Variants in TMEM108 observed in about 807,000 individuals in gnomAD.
TMEM108 encodes the protein transmembrane protein 108, also known as cancer/testis antigen 124.
A neutral mutation model predicts 35.1 loss-of-function variants in TMEM108; 12 were observed. The observed-to-expected ratio is 0.34, with a 90% CI of 0.22 to 0.55. TMEM108 has a LOEUF of 0.55. Among genes scored for constraint, TMEM108 ranks in the 20% least tolerant of loss-of-function variants. The pLI is 0.89. For synonymous variants in TMEM108, 287 were observed against 308.6 expected (o/e 0.93, Z 0.73); for missense variants, 680 against 753.3 (o/e 0.90, Z 1.14).
intron 3 of TMEM108, among the ~76,000 whole-genome samples, chr3:133,338,634 G>T (rs1323488929): frequency 6.6e-6 from 1 of 151,932 alleles, no homozygotes; most frequent in African/African-American, 2.4e-5. Context: ...ACTAGTATTA[G>T]TAAGTACACA....
At chr3:133,180,116 T>G (rs1004493782) in intron 2 of TMEM108, among the ~76,000 whole-genome samples, 15 of 152,198 alleles carry the variant, frequency 9.9e-5, no homozygotes, top group African/African-American at 3.6e-4. Flanking sequence ...TAAATATCAA[T>G]TTTTAAATAA....
intron 3 of TMEM108, among the ~76,000 whole-genome samples, chr3:133,275,574 A>G (rs549482453): frequency 4.2e-4 from 64 of 152,270 alleles, no homozygotes; most frequent in Non-Finnish European, 7.6e-4. Context: ...TTTTTTGTGT[A>G]TGTCCCAATC....
At chr3:133,038,487 C>G (rs1943232814) in intron 1 of TMEM108, 52 bp downstream of exon 1, 1 of 152,356 alleles carries the variant, frequency 6.6e-6, no homozygotes, top group African/African-American at 2.4e-5. Flanking sequence ...TGGGTCCCGG[C>G]AAGCGGGTTA....
At chr3:133,117,598 C>T (rs1363083493) in intron 2 of TMEM108, among the ~76,000 whole-genome samples, 1 of 152,174 alleles carries the variant, frequency 6.6e-6, no homozygotes, top group African/African-American at 2.4e-5. Context: ...TCATGATAGC[C>T]TTCTCAACAG....
chr3:133,110,094 T>A (rs531520202), intron 2 of TMEM108, among the ~76,000 whole-genome samples: 1 of 152,314 alleles, frequency 6.6e-6, no homozygotes, highest in East Asian at 1.9e-4. Context: ...TTTTGCCTGT[T>A]TTTTTCTCTT....
chr3:133,169,646 AT>A (rs200742235), intron 2 of TMEM108, among the ~76,000 whole-genome samples: 1,564 of 152,304 alleles, frequency 0.01, 30 homozygotes, highest in African/African-American at 0.035. Flanking sequence ...GTAACTCCAG[AT>A]TTATTATAAC....
intron 2 of TMEM108, among the ~76,000 whole-genome samples, chr3:133,163,287 A>G (rs1295526021): frequency 2.6e-5 from 4 of 152,246 alleles, no homozygotes; most frequent in Admixed American, 6.5e-5. Flanking sequence ...ATTAACTTAT[A>G]TACTGGCCAT....
intron 2 of TMEM108, among the ~76,000 whole-genome samples, chr3:133,094,221 A>ACCCCACCCCCTACC (rs1943983515): frequency 1.5e-4 from 5 of 34,250 alleles, no homozygotes. Context: ...CCCACCTCCC[A>ACCCCACCCCCTACC]CCCCACCCCC....
At chr3:133,216,912 A>G (rs983992743) in intron 2 of TMEM108, among the ~76,000 whole-genome samples, 1 of 152,068 alleles carries the variant, frequency 6.6e-6, no homozygotes, top group African/African-American at 2.4e-5. Context: ...GCATATCTCT[A>G]CATACTGATT....
chr3:133,284,167 C>T (rs987906328), intron 3 of TMEM108, among the ~76,000 whole-genome samples: 3 of 152,138 alleles, frequency 2.0e-5, no homozygotes, highest in Admixed American at 6.5e-5. Context: ...TCACCAGCTC[C>T]AAGACAGCAG....
rs1437254898 is a variant in TMEM108, at chr3:133,342,544, G to GTGTATATATATATATATATATATATATA, written c.41-37207_41-37206insGTATATATATATATATATATATATATAT. Among the ~76,000 whole-genome samples the GTGTATATATATATATATATATATATATA allele has an allele frequency of 6.5e-3, 299 of 46,350 alleles. 74 individuals carry two copies. The highest frequency in any genetic ancestry group is 0.012 in the South Asian group (16 of 1,338). 30.4% of individuals were successfully genotyped at this position (46,350 alleles called of 152,430 possible). A position where few individuals can be genotyped will look rare whatever the true frequency, so the allele number is the denominator to read the frequency against. On this transcript the variant is annotated intron_variant, in intron 3 of 5. Coordinates refer to ENST00000321871, the MANE Select transcript of TMEM108 (RefSeq NM_023943.4). ...TAAAAAAGTTAAAAAAGAAAATGTG[G>GTGTATATATATATATATATATATATATA]TATATATATATACACACACACACAC...
chr3:133,237,355 G>T (rs1302225419), intron 3 of TMEM108, among the ~76,000 whole-genome samples: 2 of 145,608 alleles, frequency 1.4e-5, no homozygotes, highest in African/African-American at 4.9e-5. Context: ...ATCCATTCAT[G>T]TCTCTGCATC....
At chr3:133,073,510 C>CTATATATATATATATA (rs1183039173) in intron 2 of TMEM108, among the ~76,000 whole-genome samples, 17 of 43,904 alleles carry the variant, frequency 3.9e-4, no homozygotes, top group African/African-American at 7.1e-4. Context: ...CTCTCTCTCT[C>CTATATATATATATATA]TATATATATA....
intron 5 of TMEM108, among the ~76,000 whole-genome samples, chr3:133,392,359 C>T (rs56181416): frequency 0.33 from 49,879 of 151,494 alleles, 8,923 homozygotes; most frequent in East Asian, 0.43. Flanking sequence ...GACAGGGTTT[C>T]GCTATGTTGG....
At chr3:133,155,225 G>T (rs1328011800) in intron 2 of TMEM108, among the ~76,000 whole-genome samples, 1 of 152,088 alleles carries the variant, frequency 6.6e-6, no homozygotes, top group Admixed American at 6.6e-5. Flanking sequence ...TCCATGGTGT[G>T]TATATATACC....
chr3:133,180,586 A>G (rs1023257459), intron 2 of TMEM108, among the ~76,000 whole-genome samples: 7 of 152,146 alleles, frequency 4.6e-5, no homozygotes, highest in African/African-American at 1.7e-4. Context: ...CTTTCCCCAA[A>G]CTAATTCCTA....
At chr3:133,274,848 G>C (rs544755569) in intron 3 of TMEM108, among the ~76,000 whole-genome samples, 1 of 152,264 alleles carries the variant, frequency 6.6e-6, no homozygotes, top group Middle Eastern at 3.4e-3. Flanking sequence ...TACCCTCCCT[G>C]CTGGGTGTGA....
chr3:133,169,202 T>C (rs1945091377), intron 2 of TMEM108, among the ~76,000 whole-genome samples: 1 of 152,238 alleles, frequency 6.6e-6, no homozygotes, highest in Non-Finnish European at 1.5e-5. Context: ...TTCTCAACAC[T>C]GTTACATTGG....
At chr3:133,336,528 A>G (rs942132120) in intron 3 of TMEM108, among the ~76,000 whole-genome samples, 2 of 152,040 alleles carry the variant, frequency 1.3e-5, no homozygotes, top group Non-Finnish European at 2.9e-5. Context: ...TGGGCTCTAA[A>G]TAACCAGCAG....
Sources: allele counts gnomAD v4.1 joint callset (sites outside exome capture counted in the v4.1 genomes callset), GRCh38; gene constraint gnomAD v4.1.1; transcripts MANE v1.5; gene names NCBI Gene and HGNC (gene_info 2026-07-23, HGNC 2026-07-21).